Variants in NFKB1 observed in about 807,000 individuals in gnomAD.
NFKB1 encodes nuclear factor kappa B subunit 1, also known as nuclear factor NF-kappa-B p105 subunit.
In NFKB1, 9 loss-of-function variants were observed where a neutral mutation model predicts 105.1. That is an observed-to-expected ratio of 0.09 (90% CI 0.05 to 0.15). The LOEUF (loss-of-function observed/expected upper bound fraction) is 0.15. Among genes scored for constraint, NFKB1 ranks in the 10% least tolerant of loss-of-function variants. The pLI is 1.00. For missense variants in NFKB1, 830 were observed against 1,203.7 expected (o/e 0.69, Z 4.59); for synonymous variants, 440 against 442.2 (o/e 1.00, Z 0.06).
At chr4:102,561,229 T>A (rs1031578272) in intron 5 of NFKB1, among the ~76,000 whole-genome samples, 1 of 151,660 alleles carries the variant, frequency 6.6e-6, no homozygotes, top group Admixed American at 6.6e-5. Flanking sequence ...AGAGAAGAAA[T>A]ATTATTAAAA....
At chr4:102,568,706 A>T (rs1724073316) in intron 6 of NFKB1, among the ~76,000 whole-genome samples, 1 of 152,188 alleles carries the variant, frequency 6.6e-6, no homozygotes, top group Non-Finnish European at 1.5e-5. Flanking sequence ...TTGCTTTAGT[A>T]ATCTTTCAGG....
intron 16 of NFKB1, 124 bp downstream of exon 16, chr4:102,601,133 T>G: frequency 3.2e-6 from 2 of 621,922 alleles, no homozygotes; most frequent in South Asian, 4.0e-5. Context: ...CAAACCTTTG[T>G]AGGTAATATC....
chr4:102,555,918 AT>A (rs1722958007), intron 5 of NFKB1, among the ~76,000 whole-genome samples: 1 of 152,182 alleles, frequency 6.6e-6, no homozygotes, highest in Non-Finnish European at 1.5e-5. Context: ...GCTAACTGAT[AT>A]TGGAAGGGAA....
intron 6 of NFKB1, among the ~76,000 whole-genome samples, chr4:102,574,113 A>T: frequency 7.5e-6 from 1 of 133,220 alleles, no homozygotes; most frequent in East Asian, 2.2e-4. Flanking sequence ...TGTATCGTTA[A>T]GTCTTGGATT....
intron 5 of NFKB1, among the ~76,000 whole-genome samples, chr4:102,555,371 G>GAACATTAAATA (rs1722911528): frequency 6.6e-6 from 1 of 152,062 alleles, no homozygotes; most frequent in African/African-American, 2.4e-5. Context: ...CTGTTCTAGG[G>GAACATTAAATA]GTTGGAAAAA....
intron 6 of NFKB1, among the ~76,000 whole-genome samples, chr4:102,576,511 G>A (rs1724833630): frequency 6.6e-6 from 1 of 152,106 alleles, no homozygotes; most frequent in Non-Finnish European, 1.5e-5. Context: ...ATTCTTCCAA[G>A]TTTATTGCAG....
intron 6 of NFKB1, among the ~76,000 whole-genome samples, chr4:102,573,086 G>C (rs569060747): frequency 1.3e-5 from 2 of 152,182 alleles, no homozygotes; most frequent in East Asian, 3.9e-4. Context: ...AGGCGGGCAG[G>C]TCACCTGAGG....
intron 6 of NFKB1, among the ~76,000 whole-genome samples, chr4:102,572,563 C>T (rs1724472414): frequency 6.6e-6 from 1 of 152,170 alleles, no homozygotes; most frequent in Non-Finnish European, 1.5e-5. Flanking sequence ...CTAATTTGCA[C>T]TCCCACCAGC....
intron 2 of NFKB1, among the ~76,000 whole-genome samples, chr4:102,529,415 G>C (rs1741132249): frequency 6.6e-6 from 1 of 152,130 alleles, no homozygotes; most frequent in Non-Finnish European, 1.5e-5. Context: ...CACCATAGAG[G>C]AAATACTGAT....
chr4:102,535,381 T>A (rs1349571419), intron 4 of NFKB1, among the ~76,000 whole-genome samples: 1 of 152,216 alleles, frequency 6.6e-6, no homozygotes, highest in Non-Finnish European at 1.5e-5. Context: ...ATTTATGATT[T>A]ACCTGAAGGG....
At chr4:102,533,737 T>C (rs1741452937) in intron 3 of NFKB1, 108 bp from the exon 4 acceptor site, 1 of 906,208 alleles carries the variant, frequency 1.1e-6, no homozygotes, top group Non-Finnish European at 1.7e-6. Context: ...TGATTTGAAA[T>C]TTCTACATAA....
At chr4:102,524,500 G>A (rs1057435061) in intron 1 of NFKB1, among the ~76,000 whole-genome samples, 11 of 152,176 alleles carry the variant, frequency 7.2e-5, no homozygotes, top group African/African-American at 1.7e-4. Context: ...GACCAGTTTC[G>A]TGGAAGACAG....
Position 102,529,879 on chromosome 4 carries a change from C to A in NFKB1, c.83C>A (p.Pro28Gln). The A allele has an allele frequency of 6.2e-7, 1 of 1,610,156 alleles. No individual in the cohort carries two copies. The highest frequency in any genetic ancestry group is 8.5e-7 in the Non-Finnish European group (1 of 1,177,466). ...DPSLTHTIFNPEVFQPQMALP... is the reference protein window; with the variant it reads ...DPSLTHTIFNQEVFQPQMALP... The stretch of plus-strand genomic sequence containing the variant: ...TCTTTGACTCATACAATATTTAATC[C>A]AGAAGTATTTCAACCACAGATGGCA... The change falls in exon 3 of 24, where the codon CCA becomes CAA. Residue 28 changes from proline (P) to glutamine (Q), a missense_variant. Coordinates refer to ENST00000226574, the MANE Select transcript of NFKB1 (RefSeq NM_003998.4).
At chr4:102,549,901 C>G (rs2149141761) in intron 5 of NFKB1, among the ~76,000 whole-genome samples, 1 of 152,234 alleles carries the variant, frequency 6.6e-6, no homozygotes, top group African/African-American at 2.4e-5. Flanking sequence ...TCCAATGCTG[C>G]CACCCTGGTA....
chr4:102,563,739 A>G (rs67547121), intron 5 of NFKB1, among the ~76,000 whole-genome samples: 2,656 of 151,254 alleles, frequency 0.018, 40 homozygotes, highest in African/African-American at 0.044. Flanking sequence ...CCTAAAGTCC[A>G]TGCTCTTACA....
At chr4:102,602,412 C>T (rs1027453345) in intron 16 of NFKB1, among the ~76,000 whole-genome samples, 129 of 150,680 alleles carry the variant, frequency 8.6e-4, no homozygotes, top group African/African-American at 2.7e-3. Flanking sequence ...TGGTGGCAGG[C>T]GCCTGTAGTC....
At position 102,540,643 on chromosome 4, in the gene NFKB1, G is replaced by A. The variant is rs80080309; in HGVS notation, c.258+2687G>A. Among the ~76,000 whole-genome samples the A allele has an allele frequency of 1.1e-3, 160 of 152,260 alleles. 1 individual carries two copies. The highest frequency in any genetic ancestry group is 3.7e-3 in the African/African-American group (154 of 41,556). ...GAATATGACTATACAAGCTGTCATT[G>A]TTCCCTTAGCTTGTCATTGTTCACT... is the stretch of plus-strand genomic sequence containing the variant. On this transcript the variant is annotated intron_variant, in intron 5 of 23. Transcript: ENST00000226574.
intron 15 of NFKB1, among the ~76,000 whole-genome samples, chr4:102,598,621 G>A (rs1341204654): frequency 2.6e-5 from 4 of 152,066 alleles, no homozygotes; most frequent in Non-Finnish European, 5.9e-5. Flanking sequence ...CAACCTTCTT[G>A]GTATAAAGCC....
chr4:102,516,207 A>G (rs929408217), intron 1 of NFKB1, among the ~76,000 whole-genome samples: 11 of 152,134 alleles, frequency 7.2e-5, no homozygotes, highest in Admixed American at 2.0e-4. Flanking sequence ...AGTTTTTAAC[A>G]GTTTGGCTGT....
Sources: gnomAD v4.1 joint callset for allele counts (sites outside exome capture counted in the v4.1 genomes callset) on GRCh38, gnomAD v4.1.1 for gene constraint, MANE v1.5 for transcripts, NCBI Gene and HGNC (gene_info 2026-07-23, HGNC 2026-07-21) for gene names.